The following PSD2 variants were observed in gnomAD, a reference collection of about 807,000 sequenced individuals.
PSD2 encodes pleckstrin and Sec7 domain containing 2.
Under a neutral mutation model 69.8 loss-of-function variants are expected in PSD2, and 38 were observed. That is an observed-to-expected ratio of 0.54 (90% CI 0.42 to 0.71). PSD2 has a LOEUF of 0.71. Ranked by LOEUF, PSD2 falls within the 30% of genes least tolerant of loss-of-function variation. The pLI is 0.00. For synonymous variants in PSD2, 412 were observed against 423.0 expected, an observed-to-expected ratio of 0.97 and a Z score of 0.32; for missense variants, 943 against 1,014.5, an observed-to-expected ratio of 0.93 and a Z score of 0.96.
At chr5:139,794,107 CAG>C (rs370152875), upstream of PSD2, among the ~76,000 whole-genome samples, 432 of 152,322 alleles carry the variant, frequency 2.8e-3, 1 homozygote, top group African/African-American at 9.7e-3. Flanking sequence ...GGCACCTGCA[CAG>C]AGAGTGGCTC....
At chr5:139,821,438 G>A (rs973327992) in intron 5 of PSD2, among the ~76,000 whole-genome samples, 3 of 152,190 alleles carry the variant, frequency 2.0e-5, no homozygotes, top group Admixed American at 2.0e-4. Context: ...TGGGGTAGGG[G>A]AGGAGTTGAG....
chr5:139,775,322 G>C, the PSD2 span: 1 of 152,370 alleles, frequency 6.6e-6, no homozygotes, highest in Non-Finnish European at 1.5e-5. Flanking sequence ...GCCGAGCTAT[G>C]AGAGGAGGGA....
chr5:139,778,362 G>A, the PSD2 span, among the ~76,000 whole-genome samples: 6 of 152,138 alleles, frequency 3.9e-5, no homozygotes, highest in African/African-American at 1.4e-4. Flanking sequence ...CATGGGATGG[G>A]GTCTCTAGTC....
At chr5:139,769,584 G>A in the PSD2 span, among the ~76,000 whole-genome samples, 1 of 152,184 alleles carries the variant, frequency 6.6e-6, no homozygotes, top group African/African-American at 2.4e-5. Flanking sequence ...CCTATGGGCA[G>A]GGGACTGTGG....
chr5:139,840,283 G>T, intron 14 of PSD2, 113 bp downstream of exon 14: 1 of 1,222,202 alleles, frequency 8.2e-7, no homozygotes, highest in Non-Finnish European at 1.2e-6. Flanking sequence ...GCTCATTGAT[G>T]TGGGAGCTGG....
At chr5:139,784,231 C>T in the PSD2 span, among the ~76,000 whole-genome samples, 6 of 152,072 alleles carry the variant, frequency 3.9e-5, no homozygotes, top group South Asian at 4.2e-4. Context: ...TGAGCCATTG[C>T]GCTGGCCTCC....
At chr5:139,781,334 C>T in the PSD2 span, among the ~76,000 whole-genome samples, 1 of 151,720 alleles carries the variant, frequency 6.6e-6, no homozygotes, top group Non-Finnish European at 1.5e-5. Flanking sequence ...TCACATATCT[C>T]TCTCTTTTTT....
chr5:139,830,845 T>TA (rs1491516787), intron 7 of PSD2, among the ~76,000 whole-genome samples: 3 of 133,452 alleles, frequency 2.2e-5, no homozygotes, highest in African/African-American at 9.3e-5. Flanking sequence ...TTTTTTTTTT[T>TA]ATTGATTCAA....
chr5:139,774,554 G>A, the PSD2 span, among the ~76,000 whole-genome samples: 1 of 152,102 alleles, frequency 6.6e-6, no homozygotes, highest in South Asian at 2.1e-4. Flanking sequence ...GCAGTGGCAC[G>A]ATCTCGGCTC....
chr5:139,785,703 T>C, the PSD2 span, among the ~76,000 whole-genome samples: 1 of 152,230 alleles, frequency 6.6e-6, no homozygotes, highest in Non-Finnish European at 1.5e-5. Context: ...CCTAGAATAG[T>C]GCTTGGTACA....
the PSD2 span, among the ~76,000 whole-genome samples, chr5:139,784,581 G>A: frequency 3.3e-5 from 5 of 151,986 alleles, no homozygotes; most frequent in Non-Finnish European, 5.9e-5. Flanking sequence ...GGCCTACAAC[G>A]CCCTCCATCA....
intron 2 of PSD2, among the ~76,000 whole-genome samples, chr5:139,811,420 G>T (rs192442513): frequency 6.6e-6 from 1 of 152,286 alleles, no homozygotes; most frequent in East Asian, 1.9e-4. Flanking sequence ...GGGGCTGGGG[G>T]AACGTAGGGT....
chr5:139,837,369 G>C lies in PSD2; in HGVS notation c.1665+131G>C. 1.0e-6 allele frequency: 1 copy of C among 971,314 alleles called. No individual in the cohort carries two copies. Among genetic ancestry groups the C allele is most frequent in the Non-Finnish European group, 1.5e-6 (1 of 646,216 alleles). 60.2% of individuals were successfully genotyped at this position (971,314 alleles called of 1,614,324 possible). A position where few individuals can be genotyped will look rare whatever the true frequency, so the allele number is the denominator to read the frequency against. On this transcript the variant is annotated intron_variant, in intron 11 of 14. Transcript: ENST00000274710. This position sits in a 1 kb window ranked among gnomAD's most constrained non-coding sequence, Gnocchi z 5.0. Reference sequence around the variant, plus strand: ...ACATGCTGGGTCCTTCCCCAGACTTGGGCCCTCTCAGGGCTTTGGAGGTTT... The same window carrying C: ...ACATGCTGGGTCCTTCCCCAGACTTCGGCCCTCTCAGGGCTTTGGAGGTTT...
In PSD2 at chr5:139,817,550, C is replaced by G. The variant is rs747518596; in HGVS notation, c.1086C>G (p.Asp362Glu). 1 of 1,613,864 alleles carries G rather than the reference C, an allele frequency of 6.2e-7. No individual in the cohort carries two copies. Among genetic ancestry groups the G allele is most frequent in the South Asian group, 1.1e-5 (1 of 91,066 alleles). ...TCGACTTCTCGGGCTTGACTCTGGA[C>G]GGAGCACTCAGGTCAGTGGGGCTGG... ...SFFDFSGLTLDGALRTFLKAF... is the reference protein window; with the variant it reads ...SFFDFSGLTLEGALRTFLKAF... Residue 362 changes from aspartate (D) to glutamate (E), a missense_variant, in exon 5 of 15, where the codon GAC (aspartate) becomes GAG (glutamate). Coordinates refer to ENST00000274710, the MANE Select transcript of PSD2 (RefSeq NM_032289.4).
chr5:139,771,903 C>T, the PSD2 span, among the ~76,000 whole-genome samples: 1 of 152,214 alleles, frequency 6.6e-6, no homozygotes, highest in Non-Finnish European at 1.5e-5. Flanking sequence ...CCAACCCCTT[C>T]CAAGGGCAGG....
the PSD2 span, among the ~76,000 whole-genome samples, chr5:139,785,163 CCTTT>C: frequency 1.3e-5 from 2 of 149,586 alleles, no homozygotes; most frequent in Non-Finnish European, 3.0e-5. Flanking sequence ...CTTCTCATCC[CCTTT>C]CTTTGTCTTC....
At chr5:139,770,942 A>T in the PSD2 span, among the ~76,000 whole-genome samples, 1 of 152,250 alleles carries the variant, frequency 6.6e-6, no homozygotes, top group Non-Finnish European at 1.5e-5. Flanking sequence ...TTTAAAACTG[A>T]CATTGCACAA....
At chr5:139,805,626 G>A (rs1759784820) in intron 1 of PSD2, among the ~76,000 whole-genome samples, 1 of 152,190 alleles carries the variant, frequency 6.6e-6, no homozygotes, top group Non-Finnish European at 1.5e-5. Flanking sequence ...GGGTCAGAGA[G>A]GGCCTTTCTC....
chr5:139,805,657 A>G (rs932647185), intron 1 of PSD2, among the ~76,000 whole-genome samples: 7 of 152,158 alleles, frequency 4.6e-5, no homozygotes, highest in Non-Finnish European at 1.0e-4. Flanking sequence ...GTTGGAGTTG[A>G]GCCCTGAGTG....
Sources: gnomAD v4.1 joint callset for allele counts (sites outside exome capture counted in the v4.1 genomes callset) on GRCh38, gnomAD v4.1.1 for gene constraint, Gnocchi (gnomAD v3.1) non-coding constraint, MANE v1.5 for transcripts, NCBI Gene and HGNC (gene_info 2026-07-23, HGNC 2026-07-21) for gene names.